The following DACH1 variants were observed in gnomAD, a reference collection of about 807,000 sequenced individuals.
The protein encoded by DACH1 is dachshund family transcription factor 1, also known as dachshund homolog 1.
DACH1 carries 12 observed loss-of-function variants against 54.2 expected under a neutral mutation model. The ratio of observed to expected loss-of-function variants is 0.22; its 90% CI spans 0.14 to 0.36. DACH1 has a LOEUF of 0.36. DACH1 is among the 10% of genes least tolerant of loss of function. The probability of loss-of-function intolerance (pLI) is 1.00; values close to 1 mark genes in which losing one functional copy is unlikely to be tolerated. For synonymous variants in DACH1, 386 were observed against 366.2 expected, an observed-to-expected ratio of 1.05 and a Z score of -0.62; for missense variants, 805 against 929.8, an observed-to-expected ratio of 0.87 and a Z score of 1.75.
intron 1 of DACH1, among the ~76,000 whole-genome samples, chr13:71,852,710 A>G (rs980019002): frequency 2.6e-5 from 4 of 152,216 alleles, no homozygotes; most frequent in Non-Finnish European, 5.9e-5. Context: ...TTTGTTTTGC[A>G]TACTTGTTTC....
At chr13:71,804,179 C>T (rs943350019) in intron 1 of DACH1, among the ~76,000 whole-genome samples, 4 of 151,964 alleles carry the variant, frequency 2.6e-5, no homozygotes, top group South Asian at 4.2e-4. Flanking sequence ...CGTAGCTGGC[C>T]GTGGTGGCAT....
intron 3 of DACH1, among the ~76,000 whole-genome samples, chr13:71,599,357 G>A (rs1874331512): frequency 6.6e-6 from 1 of 152,090 alleles, no homozygotes; most frequent in Non-Finnish European, 1.5e-5. Context: ...TATTAAAGAG[G>A]TTTATGAATT....
chr13:71,624,446 T>C (rs1162286716), intron 3 of DACH1, among the ~76,000 whole-genome samples: 1 of 151,988 alleles, frequency 6.6e-6, no homozygotes, highest in Non-Finnish European at 1.5e-5. Flanking sequence ...AAAATATTTC[T>C]CATTTCATGT....
chr13:71,779,234 TAC>T lies in DACH1; in HGVS notation c.848+86686_848+86687del, dbSNP rs1268796734. Among the ~76,000 whole-genome samples the T allele has an allele frequency of 9.6e-5, 8 of 83,662 alleles. 1 individual carries two copies. The highest frequency in any genetic ancestry group is 4.8e-4 in the African/African-American group (8 of 16,614). 54.9% of individuals were successfully genotyped at this position (83,662 alleles called of 152,430 possible). On this transcript the variant is annotated intron_variant, in intron 1 of 10. Transcript: ENST00000613252. ...ATATATATACGTATATACGTATATATACACATATATACGTATATACGTATATA... is the reference window on the plus strand; with the variant it reads ...ATATATATACGTATATACGTATATATACATATATACGTATATACGTATATA...
intron 2 of DACH1, chr13:71,675,295 T>C: frequency 6.2e-7 from 1 of 1,603,994 alleles, no homozygotes; most frequent in Non-Finnish European, 8.5e-7. Flanking sequence ...AATTGCTCAG[T>C]ACTTTAAAAC....
At chr13:71,821,557 A>G (rs1308798864) in intron 1 of DACH1, among the ~76,000 whole-genome samples, 3 of 125,866 alleles carry the variant, frequency 2.4e-5, no homozygotes, top group Non-Finnish European at 5.4e-5. Flanking sequence ...TAATTTCTAC[A>G]CCTATAAGTT....
intron 2 of DACH1, among the ~76,000 whole-genome samples, chr13:71,674,360 T>C (rs993020611): frequency 6.6e-6 from 1 of 151,934 alleles, no homozygotes; most frequent in Non-Finnish European, 1.5e-5. Context: ...TTAAGGATCT[T>C]AAGACAGATT....
rs957284016 is a variant in DACH1, at chr13:71,694,804, G to T, written c.849-12894C>A. Among the ~76,000 whole-genome samples, 3 of 152,182 alleles carry T rather than the reference G, an allele frequency of 2.0e-5. No individual in the cohort carries two copies. The East Asian group carries it at 5.8e-4, about 29-fold the overall frequency. Reference sequence around the variant, plus strand: ...ACTAAAAACATAGTGCCTTAAAAGCGTTGTTTAAACTGGCTAAAGCATAAT... The same window carrying T: ...ACTAAAAACATAGTGCCTTAAAAGCTTTGTTTAAACTGGCTAAAGCATAAT... On this transcript the variant is annotated intron_variant, in intron 1 of 10. Transcript: ENST00000613252.
chr13:71,613,430 TAAAAGGA>T, intron 3 of DACH1, among the ~76,000 whole-genome samples: 1 of 152,172 alleles, frequency 6.6e-6, no homozygotes, highest in East Asian at 1.9e-4. Flanking sequence ...AAAGATTTTT[TAAAAGGA>T]AATCTTATGA....
intron 6 of DACH1, among the ~76,000 whole-genome samples, chr13:71,499,822 C>T (rs1175932656): frequency 6.6e-6 from 1 of 152,130 alleles, no homozygotes; most frequent in Non-Finnish European, 1.5e-5. Context: ...GATTCTTCCT[C>T]ATGTCATACC....
At chr13:71,464,714 T>TTTGA (rs1338244808) in intron 10 of DACH1, 3 of 454,406 alleles carry the variant, frequency 6.6e-6, no homozygotes, top group Non-Finnish European at 1.3e-5. Context: ...CTTTAACTGT[T>TTTGA]TTGATGTATA....
At chr13:71,538,985 C>T (rs1430758538) in intron 6 of DACH1, among the ~76,000 whole-genome samples, 1 of 151,842 alleles carries the variant, frequency 6.6e-6, no homozygotes, top group Non-Finnish European at 1.5e-5. Flanking sequence ...TTTCATTCCT[C>T]GATGTTGCAC....
intron 3 of DACH1, among the ~76,000 whole-genome samples, chr13:71,612,742 A>G (rs1367823277): frequency 1.3e-5 from 2 of 152,228 alleles, no homozygotes; most frequent in African/African-American, 2.4e-5. Flanking sequence ...AACACCCTAC[A>G]TAGTAAAACT....
chr13:71,591,488 G>A (rs1045043265), intron 3 of DACH1, among the ~76,000 whole-genome samples: 7 of 152,042 alleles, frequency 4.6e-5, no homozygotes, highest in African/African-American at 1.7e-4. Context: ...AAAACATTTT[G>A]TTTTACACTT....
At chr13:71,857,374 A>G (rs900599357) in intron 1 of DACH1, among the ~76,000 whole-genome samples, 1 of 151,756 alleles carries the variant, frequency 6.6e-6, no homozygotes, top group South Asian at 2.1e-4. Context: ...TTTATGTGCT[A>G]CAAAAAGGTA....
chr13:71,683,283 T>C (rs950514120), intron 1 of DACH1, among the ~76,000 whole-genome samples: 3 of 152,112 alleles, frequency 2.0e-5, no homozygotes, highest in African/African-American at 2.4e-5. Context: ...AGTTGCAATC[T>C]GAATACTAAT....
chr13:71,640,200 C>T (rs1172383029), intron 2 of DACH1, among the ~76,000 whole-genome samples: 1 of 151,912 alleles, frequency 6.6e-6, no homozygotes, highest in Admixed American at 6.6e-5. Flanking sequence ...CAGATGACCC[C>T]CACTTTGCTC....
At chr13:71,621,335 T>C (rs1203674787) in intron 3 of DACH1, among the ~76,000 whole-genome samples, 1 of 152,044 alleles carries the variant, frequency 6.6e-6, no homozygotes, top group East Asian at 1.9e-4. Flanking sequence ...CCCTGTCGCA[T>C]TTGCCCTTTC....
chr13:71,762,707 C>A (rs1885453009), intron 1 of DACH1, among the ~76,000 whole-genome samples: 1 of 131,056 alleles, frequency 7.6e-6, no homozygotes, highest in Non-Finnish European at 1.5e-5. Flanking sequence ...GCGGAGATTG[C>A]AGTGAGCTGA....
Sources: allele counts gnomAD v4.1 joint callset (sites outside exome capture counted in the v4.1 genomes callset), GRCh38; gene constraint gnomAD v4.1.1; transcripts MANE v1.5; gene names NCBI Gene and HGNC (gene_info 2026-07-23, HGNC 2026-07-21).